The following EXD3 variants were observed in gnomAD, a reference collection of about 807,000 sequenced individuals.
EXD3 encodes exonuclease 3'-5' domain containing 3, also known as exonuclease mut-7 homolog.
A neutral mutation model predicts 98.0 loss-of-function variants in EXD3; 92 were observed. The ratio of observed to expected loss-of-function variants is 0.94; its 90% CI spans 0.79 to 1.12. The LOEUF (loss-of-function observed/expected upper bound fraction) is 1.12. EXD3 is among the 50% of genes most tolerant of loss of function. EXD3 has a pLI of 0.00. For missense variants in EXD3, 1,222 were observed against 1,191.6 expected (o/e 1.03, Z -0.38); for synonymous variants, 569 against 526.0 (o/e 1.08, Z -1.12).
chr9:137,311,562 T>G (rs1831362970), intron 19 of EXD3, among the ~76,000 whole-genome samples: 1 of 152,134 alleles, frequency 6.6e-6, no homozygotes, highest in South Asian at 2.1e-4. Context: ...AGCCAGCTCG[T>G]GCTGAGTCAC....
chr9:137,356,503 G>GC (rs1438731747), intron 7 of EXD3, 135 bp from the exon 8 acceptor site: 2 of 627,822 alleles, frequency 3.2e-6, no homozygotes, highest in Non-Finnish European at 5.6e-6. Context: ...AGGCGTCACC[G>GC]CCCCCCGCCC....
At chr9:137,345,072 CAGGT>C (rs1216892722) in intron 17 of EXD3, among the ~76,000 whole-genome samples, 2 of 152,276 alleles carry the variant, frequency 1.3e-5, no homozygotes, top group Non-Finnish European at 2.9e-5. Flanking sequence ...GCAGAACACC[CAGGT>C]TCACCTGACA....
rs573996646 is a variant in EXD3, at chr9:137,417,049, C to G, written c.-48+6065G>C. On this transcript the variant is annotated intron_variant, in intron 1 of 21. Transcript: ENST00000340951. ...CTCGGCCTCCCTGTGGGCCTCAGAACAGGCGGAGGCGGCAACGGCAGGAGA... is the reference window on the plus strand; with the variant it reads ...CTCGGCCTCCCTGTGGGCCTCAGAAGAGGCGGAGGCGGCAACGGCAGGAGA... Among the ~76,000 whole-genome samples the G allele has an allele frequency of 9.2e-4, 140 of 152,360 alleles. 1 individual carries two copies. The highest frequency in any genetic ancestry group is 3.0e-3 in the African/African-American group (124 of 41,586).
At chr9:137,315,309 G>C (rs1200239024) in intron 19 of EXD3, among the ~76,000 whole-genome samples, 1 of 152,248 alleles carries the variant, frequency 6.6e-6, no homozygotes. Context: ...ACCCCACCCT[G>C]TGCCCTCAGA....
At chr9:137,422,375 A>T (rs1296801844) in intron 1 of EXD3, among the ~76,000 whole-genome samples, 2 of 152,180 alleles carry the variant, frequency 1.3e-5, no homozygotes, top group Non-Finnish European at 2.9e-5. Flanking sequence ...AAGCATTTCA[A>T]ATGAAACCGC....
At chr9:137,416,894 G>A (rs755872816) in intron 1 of EXD3, among the ~76,000 whole-genome samples, 4 of 152,208 alleles carry the variant, frequency 2.6e-5, no homozygotes, top group Non-Finnish European at 5.9e-5. Flanking sequence ...AGCTGGGCTC[G>A]GGACTGATGA....
At chr9:137,329,350 G>A (rs111207787) in intron 17 of EXD3, among the ~76,000 whole-genome samples, 8 of 18,178 alleles carry the variant, frequency 4.4e-4, no homozygotes, top group African/African-American at 1.0e-3. Flanking sequence ...GCTACACGGG[G>A]CTACACGGGA....
chr9:137,321,574 TCAGG>T (rs1832033815), intron 19 of EXD3, among the ~76,000 whole-genome samples: 1 of 152,150 alleles, frequency 6.6e-6, no homozygotes, highest in African/African-American at 2.4e-5. Context: ...TCCCAGCTAC[TCAGG>T]AGCCTGAGGT....
chr9:137,320,087 G>A (rs1739605181), intron 19 of EXD3, among the ~76,000 whole-genome samples: 1 of 152,118 alleles, frequency 6.6e-6, no homozygotes, highest in Admixed American at 6.5e-5. Context: ...AGGCCGGGGC[G>A]GGCAGGGGGA....
At chr9:137,355,880 G>A (rs1834755681) in intron 8 of EXD3, among the ~76,000 whole-genome samples, 1 of 152,166 alleles carries the variant, frequency 6.6e-6, no homozygotes, top group Non-Finnish European at 1.5e-5. Context: ...AAGGGGACCT[G>A]GCTTCCCTTG....
chr9:137,353,344 C>G, intron 10 of EXD3: 1 of 985,440 alleles, frequency 1.0e-6, no homozygotes, highest in South Asian at 4.7e-5. Flanking sequence ...CACCCCGGGT[C>G]CCAGGAGCCC....
chr9:137,322,581 C>G (rs1253124633), intron 19 of EXD3, among the ~76,000 whole-genome samples: 1 of 92,856 alleles, frequency 1.1e-5, no homozygotes, highest in Non-Finnish European at 2.2e-5. Flanking sequence ...CGACACCTCA[C>G]CCCGGACCAC....
At chr9:137,339,496 C>CAAAAAAAAAAAAAAAAA (rs57029740) in intron 17 of EXD3, among the ~76,000 whole-genome samples, 1 of 92,698 alleles carries the variant, frequency 1.1e-5, no homozygotes, top group Non-Finnish European at 2.3e-5. Context: ...GACGCCACTT[C>CAAAAAAAAAAAAAAAAA]AAAAAAAAAA....
In EXD3 at chr9:137,349,349, C is replaced by T. The variant is rs768183710; in HGVS notation, c.1657+20G>A. 3.2e-6 allele frequency: 5 copies of T among 1,560,592 alleles called. No homozygotes were observed. Among genetic ancestry groups the T allele is most frequent in the African/African-American group, 2.7e-5 (2 of 73,994 alleles). ...GGAGGGGCGTGAGGAGGGGTCACTC[C>T]CACCCGCCGCACCGCACACCTGCGT... is the stretch of plus-strand genomic sequence containing the variant. On this transcript the variant is annotated intron_variant, in intron 15 of 21. Coordinates refer to ENST00000340951, the MANE Select transcript of EXD3 (RefSeq NM_017820.5). This position sits in a 1 kb window ranked among gnomAD's most constrained non-coding sequence, Gnocchi z 7.4.
intron 1 of EXD3, among the ~76,000 whole-genome samples, chr9:137,409,386 T>G (rs370443383): frequency 3.9e-5 from 6 of 152,326 alleles, no homozygotes; most frequent in African/African-American, 1.4e-4. Context: ...TTCCTTTTCT[T>G]TATAAATTAC....
chr9:137,356,156 T>C lies in EXD3; in HGVS notation c.757+112A>G, dbSNP rs1157014221. On this transcript the variant is annotated intron_variant, in intron 8 of 21. Transcript: ENST00000340951. ...GCAGGGAGGGGCTCTCTGGGAAGGTTGGTCTTGGTTGGCACCTGAACAACG... is the reference window on the plus strand; with the variant it reads ...GCAGGGAGGGGCTCTCTGGGAAGGTCGGTCTTGGTTGGCACCTGAACAACG... The C allele has an allele frequency of 4.0e-6, 3 of 748,214 alleles. No individual in the cohort carries two copies. The East Asian group carries it at 8.2e-5, about 20-fold the overall frequency. The allele number at this position is 748,214 out of a possible 1,614,324, so 46.3% of individuals were successfully genotyped here.
At position 137,306,929 on chromosome 9, in the gene EXD3, A is replaced by T; in HGVS notation, c.*21T>A. ...TGGGCCCAGCAGTCGGGCACTTTCC[A>T]TGTTTATTGTCTGGCTGTCCTCAGA... On this transcript the variant is annotated 3_prime_UTR_variant, in exon 22 of 22. Coordinates refer to ENST00000340951, the MANE Select transcript of EXD3 (RefSeq NM_017820.5). 6.5e-7 allele frequency: 1 copy of T among 1,538,666 alleles called. No individual in the cohort carries two copies. The highest frequency in any genetic ancestry group is 1.8e-4 in the Middle Eastern group (1 of 5,580).
At chr9:137,392,709 G>A (rs1454429473) in intron 2 of EXD3, 2 of 343,270 alleles carry the variant, frequency 5.8e-6, no homozygotes, top group Non-Finnish European at 1.1e-5. Context: ...TTCTGGGGGG[G>A]CTGTGTCTGT....
chr9:137,414,763 T>A (rs1838158604), intron 1 of EXD3, among the ~76,000 whole-genome samples: 1 of 152,202 alleles, frequency 6.6e-6, no homozygotes, highest in African/African-American at 2.4e-5. Flanking sequence ...GGCCAGCAGG[T>A]GTGACAGGTG....
Sources: allele counts gnomAD v4.1 joint callset (sites outside exome capture counted in the v4.1 genomes callset), GRCh38; gene constraint gnomAD v4.1.1; non-coding constraint Gnocchi (gnomAD v3.1); transcripts MANE v1.5; gene names NCBI Gene and HGNC (gene_info 2026-07-23, HGNC 2026-07-21).